Variants in CRTAC1 observed in about 807,000 individuals in gnomAD.
CRTAC1 encodes acidic secreted protein in cartilage.
CRTAC1 carries 37 observed loss-of-function variants against 67.8 expected under a neutral mutation model. The ratio of observed to expected loss-of-function variants is 0.55; its 90% CI spans 0.42 to 0.72. CRTAC1 has a LOEUF of 0.72. CRTAC1 is among the 30% of genes least tolerant of loss of function. The pLI is 0.00. For synonymous variants in CRTAC1, 348 were observed against 371.0 expected, an observed-to-expected ratio of 0.94 and a Z score of 0.71; for missense variants, 780 against 931.6, an observed-to-expected ratio of 0.84 and a Z score of 2.12.
intron 1 of CRTAC1, among the ~76,000 whole-genome samples, chr10:98,022,499 G>A (rs180875722): frequency 7.9e-4 from 121 of 152,262 alleles, no homozygotes; most frequent in Admixed American, 1.6e-3. Context: ...TGAAGATGGT[G>A]AATTGGATTC....
intron 7 of CRTAC1, among the ~76,000 whole-genome samples, chr10:97,903,996 A>G (rs1412653702): frequency 1.3e-5 from 2 of 151,190 alleles, no homozygotes; most frequent in African/African-American, 4.9e-5. Flanking sequence ...AAGGTCTAAA[A>G]AGCTGAGGCC....
rs34186242 is a variant in CRTAC1, at chr10:97,876,848, C to T, written c.1819+3401G>A. Among the ~76,000 whole-genome samples, 884 of 151,596 alleles carry T rather than the reference C, an allele frequency of 5.8e-3. 9 individuals carry two copies. Among genetic ancestry groups the T allele is most frequent in the African/African-American group, 0.02 (839 of 41,306 alleles). On this transcript the variant is annotated intron_variant, in intron 14 of 14. Transcript: ENST00000370597. ...GGTAGCTTGGGGGTGGCTTTGCACC[C>T]GCAAATCTGTGGCTGGTATAGCACA...
chr10:97,925,453 G>A (rs1029199392), intron 3 of CRTAC1, among the ~76,000 whole-genome samples: 3 of 151,982 alleles, frequency 2.0e-5, no homozygotes, highest in African/African-American at 7.2e-5. Flanking sequence ...CAGAGAATGA[G>A]AGTGGACAAG....
At chr10:97,873,876 C>T (rs946703629) in intron 14 of CRTAC1, among the ~76,000 whole-genome samples, 1 of 152,200 alleles carries the variant, frequency 6.6e-6, no homozygotes, top group African/African-American at 2.4e-5. Flanking sequence ...AGGCTCCTCT[C>T]TGCACTCGGG....
intron 11 of CRTAC1, among the ~76,000 whole-genome samples, chr10:97,888,765 C>T (rs1048313554): frequency 1.3e-5 from 2 of 152,068 alleles, no homozygotes; most frequent in South Asian, 2.1e-4. Flanking sequence ...TCCTGCCAGG[C>T]CTGTGTATAG....
intron 11 of CRTAC1, among the ~76,000 whole-genome samples, chr10:97,886,463 A>G (rs1262285121): frequency 1.3e-5 from 2 of 152,124 alleles, no homozygotes; most frequent in African/African-American, 4.8e-5. Context: ...CCCCTCCCAC[A>G]CAGCTCAGTT....
rs1440502557 is a variant in CRTAC1, at chr10:97,975,639, C to A, written c.224+35499G>T. ...CTGCATAGTTCTAAGATGGACTCTC[C>A]CTGTGAATGACAAAAAGGCGCCCCT... On this transcript the variant is annotated intron_variant, in intron 2 of 14. Coordinates refer to ENST00000370597, the MANE Select transcript of CRTAC1 (RefSeq NM_018058.7). This position sits in a 1 kb window ranked among gnomAD's most constrained non-coding sequence, Gnocchi z 4.8. 6.6e-6 allele frequency among the ~76,000 whole-genome samples: 1 copy of A among 152,176 alleles called. No individual in the cohort carries two copies. The highest frequency in any genetic ancestry group is 2.4e-5 in the African/African-American group (1 of 41,448).
Position 97,975,063 on chromosome 10 carries a change from C to T in CRTAC1, c.224+36075G>A, listed in dbSNP as rs1467525156. On this transcript the variant is annotated intron_variant, in intron 2 of 14. Coordinates refer to ENST00000370597, the MANE Select transcript of CRTAC1 (RefSeq NM_018058.7). This position sits in a 1 kb window ranked among gnomAD's most constrained non-coding sequence, Gnocchi z 4.8. ...CAGGGACTGGCGCGGGATCGATTCC[C>T]GGGTGGCGGTGGAGGGCCGGCCCGG... Among the ~76,000 whole-genome samples the T allele has an allele frequency of 6.6e-6, 1 of 151,916 alleles. No homozygotes were observed. The highest frequency in any genetic ancestry group is 1.5e-5 in the Non-Finnish European group (1 of 67,960).
At chr10:98,015,049 T>C (rs1842970371) in intron 1 of CRTAC1, among the ~76,000 whole-genome samples, 2 of 152,238 alleles carry the variant, frequency 1.3e-5, no homozygotes. Context: ...GCATCCCAAG[T>C]GTCCATCAAC....
rs138819524 is a variant in CRTAC1, at chr10:97,865,581, C to A, written c.1953G>T (p.Ser651=). The A allele has an allele frequency of 7.4e-6, 12 of 1,612,686 alleles. No individual in the cohort carries two copies. Among genetic ancestry groups the A allele is most frequent in the African/African-American group, 1.3e-5 (1 of 74,922 alleles). The part of the protein sequence containing the change: ...VLVDGDLNLG[S]VVKESCEPSC ...TGGGCTCGCAGCTCTCCTTAACCACCGACCCCAGATTGAGATCTCCATCTA... is the reference window on the plus strand; with the variant it reads ...TGGGCTCGCAGCTCTCCTTAACCACAGACCCCAGATTGAGATCTCCATCTA... The change falls in exon 15 of 15, where the codon TCG becomes TCT. Residue 651 remains serine, a synonymous_variant. Transcript: ENST00000370597.
chr10:97,957,362 C>T (rs2051457729), intron 2 of CRTAC1, among the ~76,000 whole-genome samples: 1 of 152,118 alleles, frequency 6.6e-6, no homozygotes, highest in Non-Finnish European at 1.5e-5. Flanking sequence ...CCGGGGACAG[C>T]ACCAACATCA....
chr10:97,895,182 G>T lies in CRTAC1; in HGVS notation c.1486+63C>A, dbSNP rs1166830185. On this transcript the variant is annotated intron_variant, in intron 11 of 14. Coordinates refer to ENST00000370597, the MANE Select transcript of CRTAC1 (RefSeq NM_018058.7). The surrounding 1 kb of genome is among the most constrained non-coding windows in gnomAD (Gnocchi z 4.2). ...CGGTGCCCAAGGATGCTCGGGCTGT[G>T]AGTCCCTGAATCAGTCAGCATCCTG... 5 of 1,529,098 alleles carry T rather than the reference G, an allele frequency of 3.3e-6. No homozygotes were observed. Among genetic ancestry groups the T allele is most frequent in the Non-Finnish European group, 2.7e-6 (3 of 1,123,476 alleles). 94.7% of individuals were successfully genotyped at this position (1,529,098 alleles called of 1,614,324 possible).
At chr10:97,930,345 G>A (rs1316448146) in intron 3 of CRTAC1, among the ~76,000 whole-genome samples, 1 of 152,182 alleles carries the variant, frequency 6.6e-6, no homozygotes, top group Admixed American at 6.5e-5. Flanking sequence ...CCCATGCTGG[G>A]AGAGCTGCAA....
chr10:97,977,930 C>T (rs1223838005), intron 2 of CRTAC1, among the ~76,000 whole-genome samples: 1 of 152,142 alleles, frequency 6.6e-6, no homozygotes, highest in Non-Finnish European at 1.5e-5. Flanking sequence ...TGCTGCTGTT[C>T]CTGATGGGGA....
intron 7 of CRTAC1, 22 bp downstream of exon 7, chr10:97,904,647 C>T: frequency 2.0e-6 from 3 of 1,509,378 alleles, no homozygotes; most frequent in Non-Finnish European, 2.6e-6. Context: ...TCTTGAACTC[C>T]TGGGGTGAGG....
intron 2 of CRTAC1, among the ~76,000 whole-genome samples, chr10:97,949,904 A>G (rs2051324005): frequency 6.6e-6 from 1 of 152,262 alleles, no homozygotes; most frequent in Non-Finnish European, 1.5e-5. Flanking sequence ...GCAAATGCTC[A>G]GTAAACACTG....
chr10:97,964,414 C>T lies in CRTAC1; in HGVS notation c.225-28048G>A, dbSNP rs116109742. 5.9e-3 allele frequency among the ~76,000 whole-genome samples: 892 copies of T among 152,280 alleles called. 10 individuals are homozygous for T. Among genetic ancestry groups the T allele is most frequent in the African/African-American group, 0.02 (815 of 41,542 alleles). On this transcript the variant is annotated intron_variant, in intron 2 of 14. Transcript: ENST00000370597. ...CCCTGCAGCAATGCAGAGGAGTTGC[C>T]GCTTGACAGGCCATCAGAGAATGAA...
At chr10:97,985,098 G>C (rs1215636228) in intron 2 of CRTAC1, among the ~76,000 whole-genome samples, 1 of 152,056 alleles carries the variant, frequency 6.6e-6, no homozygotes, top group African/African-American at 2.4e-5. Flanking sequence ...GTAGAGTAAA[G>C]GGCAGTATTC....
At chr10:97,929,743 A>G (rs2050974726) in intron 3 of CRTAC1, among the ~76,000 whole-genome samples, 1 of 152,264 alleles carries the variant, frequency 6.6e-6, no homozygotes, top group South Asian at 2.1e-4. Flanking sequence ...TACCTGGCAC[A>G]TGATAAGTTA....
Sources: gnomAD v4.1 joint callset for allele counts (sites outside exome capture counted in the v4.1 genomes callset) on GRCh38, gnomAD v4.1.1 for gene constraint, Gnocchi (gnomAD v3.1) non-coding constraint, MANE v1.5 for transcripts, NCBI Gene and HGNC (gene_info 2026-07-23, HGNC 2026-07-21) for gene names.